Variants in SRCIN1 observed in about 807,000 individuals in gnomAD.
SRCIN1 encodes P130Cas-associated protein.
A neutral mutation model predicts 116.2 loss-of-function variants in SRCIN1; 50 were observed. That is an observed-to-expected ratio of 0.43 (90% CI 0.34 to 0.54). The LOEUF (loss-of-function observed/expected upper bound fraction) is 0.54. Among genes scored for constraint, SRCIN1 ranks in the 20% least tolerant of loss-of-function variants. The pLI, the probability that SRCIN1 is intolerant of heterozygous loss-of-function variation, is 0.02. For synonymous variants in SRCIN1, 736 were observed against 750.0 expected (o/e 0.98, Z 0.30); for missense variants, 1,446 against 1,672.0 (o/e 0.86, Z 2.36).
rs1905480525 is a variant in SRCIN1, at chr17:38,552,347, A to G, written c.2480+100T>C. On this transcript the variant is annotated intron_variant, in intron 13 of 18. Transcript: ENST00000617146. This position sits in a 1 kb window ranked among gnomAD's most constrained non-coding sequence, Gnocchi z 5.3. ...GAGGTGCCAGTCCAGTCGGCACGCC[A>G]GTGACCTTTGGGGGAGTTGGGGTAA... 1 of 1,479,462 alleles carries G rather than the reference A, an allele frequency of 6.8e-7. No individual in the cohort carries two copies. 91.6% of individuals were successfully genotyped at this position (1,479,462 alleles called of 1,614,324 possible).
At chr17:38,597,003 A>T (rs968545654) in intron 1 of SRCIN1, among the ~76,000 whole-genome samples, 10 of 151,960 alleles carry the variant, frequency 6.6e-5, no homozygotes, top group African/African-American at 2.2e-4. Flanking sequence ...TCCTGCCGGG[A>T]GACACTGTGG....
chr17:38,561,421 C>T (rs1422735605), intron 7 of SRCIN1, 42 bp downstream of exon 7: 12 of 1,445,868 alleles, frequency 8.3e-6, no homozygotes, highest in East Asian at 2.6e-5. Context: ...CCGCAGCGCA[C>T]CCCCCACCCC....
intron 1 of SRCIN1, among the ~76,000 whole-genome samples, chr17:38,579,333 G>T (rs776736279): frequency 1.1e-4 from 17 of 152,206 alleles, no homozygotes; most frequent in Non-Finnish European, 2.2e-4. Context: ...CTGGGCGCCG[G>T]CTGGGAAAAG....
chr17:38,559,871 T>C (rs1906109982), intron 9 of SRCIN1, 99 bp from the exon 10 acceptor site: 1 of 1,423,038 alleles, frequency 7.0e-7, no homozygotes, highest in Non-Finnish European at 9.4e-7. Flanking sequence ...CCCCACACAG[T>C]AGCCAGAGAA....
Position 38,549,109 on chromosome 17 carries a change from T to C in SRCIN1, c.3064A>G (p.Thr1022Ala). The C allele has an allele frequency of 6.2e-7, 1 of 1,606,274 alleles. No individual in the cohort carries two copies. The highest frequency in any genetic ancestry group is 8.5e-7 in the Non-Finnish European group (1 of 1,177,592). ...GTGACCACCACCTCTCCGGTACGTG[T>C]GGTGGTCAGGCCATGGGAGGAGGGG... is the stretch of plus-strand genomic sequence containing the variant. ...SFPSSHGLTT[T>A]RTGEVVVTSK... Residue 1022 changes from threonine to alanine, a missense_variant, in exon 16 of 19, where the codon ACA (threonine) becomes GCA (alanine). Thr to Ala is a moderately conservative substitution (Grantham distance 58, BLOSUM62 0). This residue lies in a region of SRCIN1 where 531 missense variants were observed against 633.9 expected (regional missense o/e 0.84). Transcript: ENST00000617146.
Position 38,578,736 on chromosome 17 carries a change from C to G in SRCIN1, c.78G>C (p.Arg26=). 1 of 1,530,038 alleles carries G rather than the reference C, an allele frequency of 6.5e-7. No individual in the cohort carries two copies. The highest frequency in any genetic ancestry group is 8.8e-7 in the Non-Finnish European group (1 of 1,142,682). The allele number at this position is 1,530,038 out of a possible 1,614,324, so 94.8% of individuals were successfully genotyped here. A position where few individuals can be genotyped will look rare whatever the true frequency, so the allele number is the denominator to read the frequency against. ...MLSADDAEYP[R]EYRTLGGGGG... is the part of the protein sequence containing the mutation. The stretch of plus-strand genomic sequence containing the variant: ...CCCCGCCCCCCAGGGTCCGGTACTC[C>G]CGCGGGTACTCCGCATCGTCCGCAG... Residue 26 remains arginine (R), a synonymous_variant, in exon 2 of 19, where the codon CGG becomes CGC. Transcript: ENST00000617146.
At chr17:38,540,020 C>CAA (rs71138631) in intron 18 of SRCIN1, among the ~76,000 whole-genome samples, 747 of 59,996 alleles carry the variant, frequency 0.012, 10 homozygotes, top group African/African-American at 0.022. Flanking sequence ...GACTCCATCT[C>CAA]AAAAAAAAAA....
intron 18 of SRCIN1, among the ~76,000 whole-genome samples, chr17:38,538,892 T>G (rs9910568): frequency 1.3e-5 from 2 of 152,024 alleles, no homozygotes; most frequent in Non-Finnish European, 1.5e-5. Flanking sequence ...TGTGCCTTCA[T>G]GTCCTCACCT....
rs1017810717 is a variant in SRCIN1 at position 38,552,376 on chromosome 17, T to C, written c.2480+71A>G. 8 of 1,519,202 alleles carry C rather than the reference T, an allele frequency of 5.3e-6. No individual in the cohort carries two copies. In the African/African-American group the frequency reaches 8.4e-5, roughly 16 times the overall value. 94.1% of individuals were successfully genotyped at this position (1,519,202 alleles called of 1,614,324 possible). A position where few individuals can be genotyped will look rare whatever the true frequency, so the allele number is the denominator to read the frequency against. On this transcript the variant is annotated intron_variant, in intron 13 of 18. Coordinates refer to ENST00000617146, the MANE Select transcript of SRCIN1 (RefSeq NM_025248.3). This position sits in a 1 kb window ranked among gnomAD's most constrained non-coding sequence, Gnocchi z 5.3. ...ACCTTTGGGGGAGTTGGGGTAAGGG[T>C]TCAGTATGACCTATGGGTCTGGGCC... is the stretch of plus-strand genomic sequence containing the variant.
intron 1 of SRCIN1, among the ~76,000 whole-genome samples, chr17:38,594,323 C>T (rs1052109970): frequency 2.8e-4 from 42 of 152,196 alleles, no homozygotes; most frequent in Admixed American, 2.2e-3. Flanking sequence ...AAGAGGCAGA[C>T]AAATGAGCGC....
intron 1 of SRCIN1, among the ~76,000 whole-genome samples, chr17:38,581,400 T>C (rs1349862211): frequency 3.0e-5 from 4 of 135,524 alleles, no homozygotes; most frequent in Non-Finnish European, 6.1e-5. Flanking sequence ...TGTGAAACTC[T>C]GTCTCAAAAA....
At position 38,563,607 on chromosome 17, in the gene SRCIN1, G is replaced by T; in HGVS notation, c.542-86C>A. The T allele has an allele frequency of 6.7e-7, 1 of 1,500,852 alleles. No homozygotes were observed. The highest frequency in any genetic ancestry group is 9.0e-7 in the Non-Finnish European group (1 of 1,114,616). 93.0% of individuals were successfully genotyped at this position (1,500,852 alleles called of 1,614,324 possible). A position where few individuals can be genotyped will look rare whatever the true frequency, so the allele number is the denominator to read the frequency against. ...AGCGCGGGGAGCTTTTCGGAGCTGCGCCAGCCCCGCAGCGGCAGGGTCTGA... is the reference window on the plus strand; with the variant it reads ...AGCGCGGGGAGCTTTTCGGAGCTGCTCCAGCCCCGCAGCGGCAGGGTCTGA... On this transcript the variant is annotated intron_variant, in intron 4 of 18. Transcript: ENST00000617146. The surrounding 1 kb of genome is among the most constrained non-coding windows in gnomAD (Gnocchi z 5.8).
At chr17:38,587,367 G>C (rs538745882) in intron 1 of SRCIN1, among the ~76,000 whole-genome samples, 2 of 151,956 alleles carry the variant, frequency 1.3e-5, no homozygotes, top group South Asian at 4.2e-4. Flanking sequence ...CAGCACAGCA[G>C]CTCTCAGACT....
chr17:38,546,947 G>T (rs969704261), intron 17 of SRCIN1, among the ~76,000 whole-genome samples: 44 of 152,214 alleles, frequency 2.9e-4, no homozygotes, highest in African/African-American at 1.0e-3. Context: ...CTGGCAGAGA[G>T]AGAGAGATTC....
intron 18 of SRCIN1, among the ~76,000 whole-genome samples, chr17:38,538,823 C>T (rs1347899227): frequency 2.6e-5 from 4 of 152,164 alleles, no homozygotes; most frequent in East Asian, 1.9e-4. Flanking sequence ...CAGGCACACT[C>T]GGGTTTAAGT....
intron 1 of SRCIN1, among the ~76,000 whole-genome samples, chr17:38,597,693 A>G (rs1295998116): frequency 1.3e-5 from 2 of 152,130 alleles, no homozygotes; most frequent in Non-Finnish European, 2.9e-5. Context: ...TAAGCTCTTG[A>G]CCCAGGAGCT....
chr17:38,603,605 A>G (rs1909186824), intron 1 of SRCIN1, among the ~76,000 whole-genome samples: 1 of 152,180 alleles, frequency 6.6e-6, no homozygotes, highest in South Asian at 2.1e-4. Context: ...GGGCAGAAGA[A>G]GCAGGAATTG....
intron 18 of SRCIN1, among the ~76,000 whole-genome samples, chr17:38,539,946 G>C (rs971721698): frequency 6.6e-6 from 1 of 150,578 alleles, no homozygotes; most frequent in African/African-American, 2.5e-5. Context: ...GCTTGAACCC[G>C]GGAGGCAGAG....
Position 38,558,114 on chromosome 17 carries a change from A to G in SRCIN1, c.2201+113T>C, listed in dbSNP as rs765548087. On this transcript the variant is annotated intron_variant, in intron 11 of 18. Coordinates refer to ENST00000617146, the MANE Select transcript of SRCIN1 (RefSeq NM_025248.3). The surrounding 1 kb of genome is among the most constrained non-coding windows in gnomAD (Gnocchi z 4.6). ...AGAATGAAATCAGGCTTCAGAACAG[A>G]CCAACGCCACCTGTGACTCAGAGGG... is the stretch of plus-strand genomic sequence containing the variant. 21 of 1,259,930 alleles carry G rather than the reference A, an allele frequency of 1.7e-5. No individual in the cohort carries two copies. The highest frequency in any genetic ancestry group is 2.3e-5 in the Non-Finnish European group (21 of 898,988). 78.0% of individuals were successfully genotyped at this position (1,259,930 alleles called of 1,614,324 possible).
Sources: gnomAD v4.1 joint callset for allele counts (sites outside exome capture counted in the v4.1 genomes callset) on GRCh38, gnomAD v4.1.1 for gene constraint, gnomAD v4.1.1 regional missense constraint, Gnocchi (gnomAD v3.1) non-coding constraint, MANE v1.5 for transcripts, NCBI Gene and HGNC (gene_info 2026-07-23, HGNC 2026-07-21) for gene names.